PLXNA4: variants seen among roughly 807,000 people sequenced by gnomAD.
PLXNA4 encodes the protein plexin-A4.
Under a neutral mutation model 191.8 loss-of-function variants are expected in PLXNA4, and 44 were observed. The ratio of observed to expected loss-of-function variants is 0.23; its 90% CI spans 0.18 to 0.29. The LOEUF (loss-of-function observed/expected upper bound fraction) is 0.29. PLXNA4 is among the 10% of genes least tolerant of loss of function. PLXNA4 has a pLI of 1.00. For synonymous variants in PLXNA4, 1,082 were observed against 1,009.5 expected (o/e 1.07, Z -1.36); for missense variants, 1,800 against 2,488.8 (o/e 0.72, Z 5.89).
At chr7:132,570,083 G>C (rs1050148914) in intron 1 of PLXNA4, among the ~76,000 whole-genome samples, 2 of 152,156 alleles carry the variant, frequency 1.3e-5, no homozygotes, top group African/African-American at 4.8e-5. Flanking sequence ...TGTATTAAAG[G>C]CTCTGAGAAG....
At chr7:132,355,415 C>T (rs542047663) in intron 3 of PLXNA4, among the ~76,000 whole-genome samples, 26 of 152,278 alleles carry the variant, frequency 1.7e-4, no homozygotes, top group African/African-American at 6.3e-4. Flanking sequence ...TGATAAATCC[C>T]CCAGGACAGC....
At chr7:132,642,079 T>G (rs541717977) in intron 2 of PLXNA4, among the ~76,000 whole-genome samples, 10 of 152,308 alleles carry the variant, frequency 6.6e-5, no homozygotes, top group South Asian at 2.1e-4. Flanking sequence ...ATATAATATA[T>G]AAGCAAATTG....
At chr7:132,534,175 G>A (rs878951670) in intron 1 of PLXNA4, among the ~76,000 whole-genome samples, 1 of 152,126 alleles carries the variant, frequency 6.6e-6, no homozygotes, top group Non-Finnish European at 1.5e-5. Context: ...CACTGAAACA[G>A]AAAGCCGGTC....
intron 20 of PLXNA4, among the ~76,000 whole-genome samples, chr7:132,176,715 T>C (rs1796476466): frequency 6.6e-6 from 1 of 150,920 alleles, no homozygotes; most frequent in South Asian, 2.1e-4. Flanking sequence ...TGAATGAATG[T>C]ATGTCAATGA....
chr7:132,467,938 C>T (rs1217732396), intron 3 of PLXNA4, among the ~76,000 whole-genome samples: 5 of 152,180 alleles, frequency 3.3e-5, no homozygotes, highest in African/African-American at 1.2e-4. Context: ...AACACCTGTC[C>T]CCTCTAATGC....
intron 3 of PLXNA4, among the ~76,000 whole-genome samples, chr7:132,465,703 T>A (rs745882748): frequency 2.0e-5 from 3 of 152,022 alleles, no homozygotes; most frequent in Admixed American, 6.5e-5. Flanking sequence ...GGAATGTCAG[T>A]TCGGGCCAGA....
intron 2 of PLXNA4, among the ~76,000 whole-genome samples, chr7:132,595,942 T>C (rs1351429087): frequency 2.6e-5 from 4 of 152,212 alleles, no homozygotes; most frequent in Admixed American, 1.3e-4. Context: ...TTATTGTGCA[T>C]AATAAAATTA....
chr7:132,455,857 G>A (rs1011159295), intron 3 of PLXNA4, among the ~76,000 whole-genome samples: 1 of 152,142 alleles, frequency 6.6e-6, no homozygotes, highest in Non-Finnish European at 1.5e-5. Flanking sequence ...CCCCTGCCCA[G>A]ACCTGACCAT....
rs538329843 is a variant in PLXNA4 at position 132,382,579 on chromosome 7, T to C, written c.1372-84357A>G. On this transcript the variant is annotated intron_variant, in intron 3 of 31. Transcript: ENST00000321063. ...TAGTGAAAGGATCAAGATTTTTAAA[T>C]TGTCATGTGTAGTATTTTGCAAATG... Among the ~76,000 whole-genome samples, 224 of 152,308 alleles carry C rather than the reference T, an allele frequency of 1.5e-3. 6 individuals are homozygous for C. The South Asian group carries it at 0.042, about 29-fold the overall frequency.
At chr7:132,159,114 A>G (rs7794004) in intron 25 of PLXNA4, among the ~76,000 whole-genome samples, 3,494 of 152,282 alleles carry the variant, frequency 0.023, 125 homozygotes, top group African/African-American at 0.079. Flanking sequence ...GCAGGAGCTC[A>G]GACAAGCGGA....
intron 3 of PLXNA4, among the ~76,000 whole-genome samples, chr7:132,417,381 C>T (rs574863945): frequency 6.6e-6 from 1 of 152,286 alleles, no homozygotes; most frequent in African/African-American, 2.4e-5. Flanking sequence ...CTTCCTAGAC[C>T]CTTGCTTCGT....
At chr7:132,644,674 G>A (rs956891329) in intron 2 of PLXNA4, among the ~76,000 whole-genome samples, 4 of 152,186 alleles carry the variant, frequency 2.6e-5, no homozygotes, top group Non-Finnish European at 5.9e-5. Flanking sequence ...TAATTCCTTC[G>A]TGATATATTT....
chr7:132,388,478 A>T (rs1805254638), intron 3 of PLXNA4, among the ~76,000 whole-genome samples: 1 of 152,130 alleles, frequency 6.6e-6, no homozygotes, highest in Admixed American at 6.6e-5. Context: ...CACCACGATG[A>T]TAATTTTGTA....
chr7:132,560,608 C>G (rs1800996418), intron 1 of PLXNA4, among the ~76,000 whole-genome samples: 1 of 152,066 alleles, frequency 6.6e-6, no homozygotes, highest in African/African-American at 2.4e-5. Flanking sequence ...TATCCGCCGG[C>G]CTCCTGGTCA....
intron 1 of PLXNA4, among the ~76,000 whole-genome samples, chr7:132,529,068 A>G (rs1016152458): frequency 6.6e-6 from 1 of 152,210 alleles, no homozygotes; most frequent in African/African-American, 2.4e-5. Flanking sequence ...CTTAAATATC[A>G]ATATCCTTGG....
chr7:132,500,636 A>T (rs1049517281), intron 2 of PLXNA4, among the ~76,000 whole-genome samples: 2 of 152,146 alleles, frequency 1.3e-5, no homozygotes, highest in Non-Finnish European at 2.9e-5. Flanking sequence ...AATCACTGCA[A>T]TATTATTACG....
At chr7:132,493,262 T>C (rs564798558) in intron 2 of PLXNA4, among the ~76,000 whole-genome samples, 1 of 152,316 alleles carries the variant, frequency 6.6e-6, no homozygotes, top group East Asian at 1.9e-4. Context: ...AGGTCTGGAC[T>C]CTGCTATTAT....
At chr7:132,318,288 C>T (rs1286251286) in intron 3 of PLXNA4, among the ~76,000 whole-genome samples, 2 of 152,258 alleles carry the variant, frequency 1.3e-5, no homozygotes, top group East Asian at 3.9e-4. Flanking sequence ...GGGTCTGACC[C>T]TCTGGCAGCC....
At chr7:132,189,030 A>AAAG (rs1797000901) in intron 14 of PLXNA4, among the ~76,000 whole-genome samples, 1 of 61,912 alleles carries the variant, frequency 1.6e-5, no homozygotes, top group Non-Finnish European at 3.1e-5. Context: ...GAGAGAGAGA[A>AAAG]AGAGAGAGAG....
Sources: gnomAD v4.1 joint callset for allele counts (sites outside exome capture counted in the v4.1 genomes callset) on GRCh38, gnomAD v4.1.1 for gene constraint, MANE v1.5 for transcripts, NCBI Gene and HGNC (gene_info 2026-07-23, HGNC 2026-07-21) for gene names.